The following MACROD2 variants were observed in gnomAD, a reference collection of about 807,000 sequenced individuals.
MACROD2 encodes the protein ADP-ribose glycohydrolase MACROD2.
In MACROD2, 36 loss-of-function variants were observed where a neutral mutation model predicts 70.4. The observed-to-expected ratio is 0.51, with a 90% CI of 0.39 to 0.68. MACROD2 has a LOEUF of 0.68. Among genes scored for constraint, MACROD2 ranks in the 30% least tolerant of loss-of-function variants. The pLI is 0.00. For synonymous variants in MACROD2, 172 were observed against 178.8 expected (o/e 0.96, Z 0.30); for missense variants, 496 against 538.4 (o/e 0.92, Z 0.78).
intron 3 of MACROD2, among the ~76,000 whole-genome samples, chr20:14,297,201 G>A (rs1010402138): frequency 2.6e-5 from 4 of 151,668 alleles, no homozygotes; most frequent in African/African-American, 9.7e-5. Context: ...CCTCTTCCCT[G>A]AGACACAACA....
intron 8 of MACROD2, among the ~76,000 whole-genome samples, chr20:15,846,614 T>C (rs2064233672): frequency 6.6e-6 from 1 of 152,048 alleles, no homozygotes; most frequent in South Asian, 2.1e-4. Context: ...AAAAAACGGT[T>C]TTTCCACGAC....
At chr20:14,389,817 G>A (rs1425835949) in intron 3 of MACROD2, among the ~76,000 whole-genome samples, 1 of 152,162 alleles carries the variant, frequency 6.6e-6, no homozygotes, top group Non-Finnish European at 1.5e-5. Flanking sequence ...GCAAAAGCTG[G>A]AAGCATTACC....
chr20:16,041,361 C>CT, intron 16 of MACROD2, 83 bp downstream of exon 16: 1 of 1,127,830 alleles, frequency 8.9e-7, no homozygotes, highest in South Asian at 1.5e-5. Flanking sequence ...AGGGAACTAT[C>CT]TGTTCTATAA....
At chr20:15,761,376 T>C (rs2051433506) in intron 8 of MACROD2, among the ~76,000 whole-genome samples, 1 of 152,178 alleles carries the variant, frequency 6.6e-6, no homozygotes, top group Non-Finnish European at 1.5e-5. Flanking sequence ...ACTTATCCTG[T>C]TTAAAAATAA....
At chr20:14,443,066 G>A (rs1018884248) in intron 3 of MACROD2, among the ~76,000 whole-genome samples, 30 of 150,742 alleles carry the variant, frequency 2.0e-4, no homozygotes, top group Non-Finnish European at 4.1e-4. Flanking sequence ...GCAACAGAGC[G>A]AGACTCTGTC....
chr20:14,988,354 T>TC (rs1555860725), intron 5 of MACROD2, among the ~76,000 whole-genome samples: 2 of 16,660 alleles, frequency 1.2e-4, no homozygotes, highest in Non-Finnish European at 2.5e-4. Flanking sequence ...TGAGACTCTG[T>TC]CAAAAAAAAA....
rs556412920 is a variant in MACROD2, at chr20:15,026,715, A to G, written c.419-203225A>G. ...CCCAGGGAACTCTGCGGACTGCTGAAGGAGCTTTGGAGATATCAATAAAAG... is the reference window on the plus strand; with the variant it reads ...CCCAGGGAACTCTGCGGACTGCTGAGGGAGCTTTGGAGATATCAATAAAAG... On this transcript the variant is annotated intron_variant, in intron 5 of 17. Transcript: ENST00000684519. 6.6e-5 allele frequency among the ~76,000 whole-genome samples: 10 copies of G among 152,148 alleles called. No individual in the cohort carries two copies. In the East Asian group the frequency reaches 1.7e-3, roughly 27 times the overall value.
chr20:14,720,694 C>T lies in MACROD2; in HGVS notation c.418+35735C>T, dbSNP rs1359329108. Among the ~76,000 whole-genome samples, 3 of 151,718 alleles carry T rather than the reference C, an allele frequency of 2.0e-5. No homozygotes were observed. The East Asian group carries it at 5.9e-4, about 30-fold the overall frequency. On this transcript the variant is annotated intron_variant, in intron 5 of 17. Coordinates refer to ENST00000684519, the MANE Select transcript of MACROD2 (RefSeq NM_001351661.2). Reference sequence around the variant, plus strand: ...TCAGCTTCCTCTGTAGCTAAGATTACAGGCTTGCGCCACCACCTCCAGCTA... The same window carrying T: ...TCAGCTTCCTCTGTAGCTAAGATTATAGGCTTGCGCCACCACCTCCAGCTA...
At chr20:15,168,100 G>A (rs2076397727) in intron 5 of MACROD2, among the ~76,000 whole-genome samples, 1 of 152,142 alleles carries the variant, frequency 6.6e-6, no homozygotes, top group Admixed American at 6.5e-5. Context: ...CATGACCGTG[G>A]GGTGTGTAAG....
chr20:15,748,717 C>G lies in MACROD2; in HGVS notation c.646-114028C>G, dbSNP rs2051223282. ...ACTTGTGTCTAGTTACAGGCTTCCA[C>G]TCAAGTGTATTCCAACATTGTTCAT... On this transcript the variant is annotated intron_variant, in intron 8 of 17. Transcript: ENST00000684519. 2.0e-5 allele frequency among the ~76,000 whole-genome samples: 3 copies of G among 152,088 alleles called. No homozygotes were observed. In the South Asian group the frequency reaches 6.2e-4, roughly 31 times the overall value.
At chr20:15,830,363 C>T (rs1017646598) in intron 8 of MACROD2, among the ~76,000 whole-genome samples, 2 of 152,176 alleles carry the variant, frequency 1.3e-5, no homozygotes, top group Non-Finnish European at 2.9e-5. Context: ...AGTATAACTC[C>T]GATCTTCCAT....
intron 4 of MACROD2, among the ~76,000 whole-genome samples, chr20:14,581,880 C>G (rs1981045151): frequency 1.3e-5 from 2 of 152,292 alleles, no homozygotes; most frequent in South Asian, 4.1e-4. Context: ...TGATTCAGTT[C>G]TTGGCCAATA....
At chr20:14,957,078 A>G (rs1196526821) in intron 5 of MACROD2, among the ~76,000 whole-genome samples, 1 of 152,182 alleles carries the variant, frequency 6.6e-6, no homozygotes, top group Non-Finnish European at 1.5e-5. Flanking sequence ...AAAATTATAC[A>G]TTAAAAACAC....
chr20:15,264,558 C>T (rs1473587611), intron 6 of MACROD2, among the ~76,000 whole-genome samples: 2 of 152,150 alleles, frequency 1.3e-5, no homozygotes, highest in Non-Finnish European at 2.9e-5. Context: ...TTTAAAGACT[C>T]TTGGAGGGTG....
chr20:15,190,568 A>G (rs555015168), intron 5 of MACROD2, among the ~76,000 whole-genome samples: 1 of 152,324 alleles, frequency 6.6e-6, no homozygotes, highest in South Asian at 2.1e-4. Flanking sequence ...TAAAGCATAG[A>G]TTTCATTATT....
At chr20:14,038,121 C>G (rs1475110055) in intron 2 of MACROD2, among the ~76,000 whole-genome samples, 1 of 152,064 alleles carries the variant, frequency 6.6e-6, no homozygotes, top group Non-Finnish European at 1.5e-5. Flanking sequence ...TGGTGAAACC[C>G]CGTCTCTACT....
intron 4 of MACROD2, among the ~76,000 whole-genome samples, chr20:14,670,246 C>T (rs937414360): frequency 6.6e-6 from 1 of 152,050 alleles, no homozygotes. Context: ...TCTGAAATAC[C>T]AGAAAAATAT....
intron 5 of MACROD2, among the ~76,000 whole-genome samples, chr20:15,179,931 G>A (rs2076488766): frequency 6.6e-6 from 1 of 152,184 alleles, no homozygotes; most frequent in African/African-American, 2.4e-5. Flanking sequence ...TTACAGTTCT[G>A]TAGTCTGGAA....
intron 8 of MACROD2, among the ~76,000 whole-genome samples, chr20:15,602,399 C>T (rs542496148): frequency 1.3e-5 from 2 of 152,316 alleles, no homozygotes; most frequent in East Asian, 1.9e-4. Flanking sequence ...ATCCTCTGCC[C>T]AGTTTTACTG....
Sources: allele counts gnomAD v4.1 joint callset (sites outside exome capture counted in the v4.1 genomes callset), GRCh38; gene constraint gnomAD v4.1.1; transcripts MANE v1.5; gene names NCBI Gene and HGNC (gene_info 2026-07-23, HGNC 2026-07-21).